The following CDC14A variants were observed in gnomAD, a reference collection of about 807,000 sequenced individuals.
The protein encoded by CDC14A is dual specificity protein phosphatase CDC14A.
Under a neutral mutation model 74.4 loss-of-function variants are expected in CDC14A, and 53 were observed. The observed-to-expected ratio is 0.71, with a 90% CI of 0.57 to 0.89. The LOEUF (loss-of-function observed/expected upper bound fraction) is 0.89, where lower values mean the gene tolerates loss of function less well. Ranked by LOEUF, CDC14A falls within the 40% of genes least tolerant of loss-of-function variation. CDC14A has a pLI of 0.00. For missense variants in CDC14A, 646 were observed against 713.7 expected (o/e 0.91, Z 1.08); for synonymous variants, 247 against 258.4 (o/e 0.96, Z 0.43).
At chr1:100,509,031 T>C (rs1361403773) in intron 15 of CDC14A, among the ~76,000 whole-genome samples, 1 of 152,172 alleles carries the variant, frequency 6.6e-6, no homozygotes, top group Non-Finnish European at 1.5e-5. Context: ...CCCAACCAGC[T>C]TTCCAAACTC....
At chr1:100,459,126 C>CACACAGAGAG (rs1279905046) in intron 8 of CDC14A, among the ~76,000 whole-genome samples, 140 of 144,668 alleles carry the variant, frequency 9.7e-4, no homozygotes, top group African/African-American at 3.5e-3. Context: ...CACACACACA[C>CACACAGAGAG]AGAGAGAGAG....
chr1:100,376,266 C>T (rs968055030), intron 2 of CDC14A, among the ~76,000 whole-genome samples: 3 of 151,796 alleles, frequency 2.0e-5, no homozygotes, highest in African/African-American at 7.3e-5. Flanking sequence ...CAAATGTGCA[C>T]GTTGTGCACA....
At chr1:100,469,944 A>T (rs1668226912) in intron 10 of CDC14A, among the ~76,000 whole-genome samples, 1 of 152,226 alleles carries the variant, frequency 6.6e-6, no homozygotes. Flanking sequence ...AAATTTATAG[A>T]TACTTAAGCT....
At chr1:100,401,524 CAA>C (rs1384549142) in intron 4 of CDC14A, among the ~76,000 whole-genome samples, 1 of 152,144 alleles carries the variant, frequency 6.6e-6, no homozygotes, top group Non-Finnish European at 1.5e-5. Context: ...CTGAGTAAAA[CAA>C]AGTGTGTTAT....
chr1:100,371,048 A>C (rs959404796), intron 2 of CDC14A, among the ~76,000 whole-genome samples: 19 of 151,898 alleles, frequency 1.3e-4, no homozygotes, highest in African/African-American at 4.4e-4. Flanking sequence ...TAGGTATTTT[A>C]GTTCTTTTGA....
intron 7 of CDC14A, among the ~76,000 whole-genome samples, chr1:100,453,887 C>T (rs150534232): frequency 2.0e-5 from 3 of 152,340 alleles, no homozygotes; most frequent in South Asian, 2.1e-4. Context: ...GGTGATTCAC[C>T]TGCATTGGCC....
chr1:100,371,068 A>T (rs1017551040), intron 2 of CDC14A, among the ~76,000 whole-genome samples: 3 of 152,124 alleles, frequency 2.0e-5, no homozygotes, highest in African/African-American at 7.2e-5. Flanking sequence ...AGGCTATTGT[A>T]ACTGGGATTA....
chr1:100,412,903 T>TA (rs1030476291), intron 4 of CDC14A, among the ~76,000 whole-genome samples: 5 of 149,298 alleles, frequency 3.3e-5, no homozygotes, highest in African/African-American at 1.0e-4. Flanking sequence ...CATGTTTACT[T>TA]AAAAAAATCT....
At chr1:100,347,386 G>A (rs1184402556) in intron 1 of CDC14A, among the ~76,000 whole-genome samples, 1 of 152,158 alleles carries the variant, frequency 6.6e-6, no homozygotes, top group East Asian at 1.9e-4. Context: ...AATCCCTTGA[G>A]TTTGATGGAG....
chr1:100,462,840 T>C lies in CDC14A; in HGVS notation c.797T>C (p.Ile266Thr), dbSNP rs751935521. 6.2e-7 allele frequency: 1 copy of C among 1,613,970 alleles called. No homozygotes were observed. The highest frequency in any genetic ancestry group is 8.5e-7 in the Non-Finnish European group (1 of 1,179,984). ...AACATCGTGCGAAGGTTCCTGAACA[T>C]CTGTGAGAACACCGAAGGGGCCATC... ...SDNIVRRFLN[I>T]CENTEGAIAV... The change falls in exon 9 of 16, where the codon ATC becomes ACC. Residue 266 changes from isoleucine to threonine, a missense_variant. By Grantham distance (89) the Ile-to-Thr change is moderately conservative. Transcript: ENST00000336454.
chr1:100,395,471 G>A (rs1015446691), intron 4 of CDC14A, among the ~76,000 whole-genome samples: 1 of 152,034 alleles, frequency 6.6e-6, no homozygotes, highest in Non-Finnish European at 1.5e-5. Context: ...CTACTTATTC[G>A]TAAGTTTGGT....
At chr1:100,369,079 A>C (rs1395088811) in intron 2 of CDC14A, among the ~76,000 whole-genome samples, 1 of 137,698 alleles carries the variant, frequency 7.3e-6, no homozygotes. Context: ...GTTTTTTGAC[A>C]TTTTTTTTTT....
At chr1:100,444,213 A>G (rs944322303) in intron 7 of CDC14A, among the ~76,000 whole-genome samples, 2 of 152,170 alleles carry the variant, frequency 1.3e-5, no homozygotes, top group Admixed American at 6.5e-5. Flanking sequence ...TACTGGTGCC[A>G]CAGGATGTAT....
chr1:100,378,703 A>G (rs1655651238), intron 3 of CDC14A, among the ~76,000 whole-genome samples: 1 of 152,170 alleles, frequency 6.6e-6, no homozygotes. Context: ...TGCAAAAGCA[A>G]TTGTGGTTTT....
intron 6 of CDC14A, 119 bp downstream of exon 6, chr1:100,440,117 G>C (rs1405275417): frequency 2.8e-6 from 2 of 708,390 alleles, no homozygotes; most frequent in Non-Finnish European, 4.8e-6. Context: ...TAAGTAGAAG[G>C]CTTTTCACTT....
intron 11 of CDC14A, 109 bp from the exon 12 acceptor site, chr1:100,494,709 A>C (rs915611365): frequency 7.2e-5 from 41 of 569,924 alleles, no homozygotes; most frequent in Non-Finnish European, 1.2e-4. Flanking sequence ...TTAGTGACTT[A>C]ATCTATATTA....
chr1:100,496,108 T>G, intron 13 of CDC14A, 59 bp downstream of exon 13: 1 of 1,441,954 alleles, frequency 6.9e-7, no homozygotes, highest in Non-Finnish European at 9.7e-7. Context: ...CTTTTAGCCA[T>G]GTTTCCCAAG....
At chr1:100,365,801 A>G (rs1027788966) in intron 2 of CDC14A, among the ~76,000 whole-genome samples, 8 of 152,212 alleles carry the variant, frequency 5.3e-5, no homozygotes, top group African/African-American at 1.9e-4. Context: ...TGTGATCATT[A>G]TGAGTTCAGC....
At chr1:100,405,067 C>T (rs1334899415) in intron 4 of CDC14A, among the ~76,000 whole-genome samples, 2 of 152,056 alleles carry the variant, frequency 1.3e-5, no homozygotes, top group South Asian at 2.1e-4. Flanking sequence ...AGTGGGTGTA[C>T]GAGTCATTTA....
Sources: gnomAD v4.1 joint callset for allele counts (sites outside exome capture counted in the v4.1 genomes callset) on GRCh38, gnomAD v4.1.1 for gene constraint, MANE v1.5 for transcripts, NCBI Gene and HGNC (gene_info 2026-07-23, HGNC 2026-07-21) for gene names.